Variants in CRYBB3 observed in about 807,000 individuals in gnomAD.
CRYBB3 encodes the protein crystallin beta B3, also known as beta-crystallin B3.
CRYBB3 carries 35 observed loss-of-function variants against 28.3 expected under a neutral mutation model. That is an observed-to-expected ratio of 1.24 (90% CI 0.95 to 1.64). The LOEUF is 1.64. Among genes scored for constraint, CRYBB3 ranks in the 40% most tolerant of loss-of-function variants. CRYBB3 has a pLI of 0.00. For missense variants in CRYBB3, 296 were observed against 297.4 expected, an observed-to-expected ratio of 1.00 and a Z score of 0.04; for synonymous variants, 106 against 110.4, an observed-to-expected ratio of 0.96 and a Z score of 0.25.
At chr22:25,206,665 C>G (rs1393070737) in intron 5 of CRYBB3, among the ~76,000 whole-genome samples, 1 of 152,040 alleles carries the variant, frequency 6.6e-6, no homozygotes, top group Admixed American at 6.5e-5. Flanking sequence ...GTGAGGTACT[C>G]GATTCAGCCT....
In CRYBB3 at chr22:25,205,317, A is replaced by T. The variant is rs758126252; in HGVS notation, c.425A>T (p.His142Leu). The T allele has an allele frequency of 3.1e-6, 5 of 1,614,116 alleles. No individual in the cohort carries two copies. The East Asian group carries it at 6.7e-5, about 22-fold the overall frequency. The change falls in exon 5 of 6, where the codon CAT (histidine) becomes CTT (leucine). Residue 142 changes from histidine (H) to leucine (L), a missense_variant. Physicochemically the swap from His to Leu is moderately conservative, Grantham distance 99. Coordinates refer to ENST00000215855, the MANE Select transcript of CRYBB3 (RefSeq NM_004076.5). Reference protein sequence around the residue: ...VDDDVPSLWAHGFQDRVASVR... With the variant: ...VDDDVPSLWALGFQDRVASVR... ...GATGACGTGCCCAGCCTGTGGGCTC[A>T]TGGCTTCCAGGACCGTGTGGCGAGT...
chr22:25,202,305 T>A (rs565593438), intron 2 of CRYBB3, among the ~76,000 whole-genome samples: 85 of 152,108 alleles, frequency 5.6e-4, no homozygotes, highest in African/African-American at 2.0e-3. Context: ...AGGGGGAAAT[T>A]TCCTATTAAG....
In CRYBB3 at chr22:25,202,769, C is replaced by T; in HGVS notation, c.171C>T (p.Gly57=). The T allele has an allele frequency of 6.2e-7, 1 of 1,614,058 alleles. No homozygotes were observed. Among genetic ancestry groups the T allele is most frequent in the African/African-American group, 1.3e-5 (1 of 75,052 alleles). Residue 57 remains glycine, a synonymous_variant, in exon 3 of 6, where the codon GGC becomes GGT. Coordinates refer to ENST00000215855, the MANE Select transcript of CRYBB3 (RefSeq NM_004076.5). ...CCGACAGCCTGCTGGAGAAGGTGGG[C>T]TCCATCCAAGTGGAGTCCGGGCCGT... ...SLTDSLLEKV[G]SIQVESGPWL... is the part of the protein sequence containing the mutation.
intron 1 of CRYBB3, 40 bp from the exon 2 acceptor site, chr22:25,201,337 C>A: frequency 6.2e-7 from 1 of 1,606,956 alleles, no homozygotes; most frequent in South Asian, 1.1e-5. Flanking sequence ...CCTGGCTTCT[C>A]CCGGGTGGAT....
In CRYBB3 at chr22:25,202,792, C is replaced by T. The variant is rs990563364; in HGVS notation, c.194C>T (p.Pro65Leu). ...GGCTCCATCCAAGTGGAGTCCGGGC[C>T]GTGAGTACCTAGACCCCCAGTCCCT... The part of the protein sequence containing the change: ...KVGSIQVESG[P>L]WLAFESRAFR... The change falls in exon 3 of 6, where the codon CCG becomes CTG. Residue 65 changes from proline to leucine, a missense_variant and splice_region_variant. By Grantham distance (98) the Pro-to-Leu change is moderately conservative. Transcript: ENST00000215855. 1.1e-5 allele frequency: 17 copies of T among 1,613,630 alleles called. No individual in the cohort carries two copies. The highest frequency in any genetic ancestry group is 5.3e-5 in the African/African-American group (4 of 74,926).
At chr22:25,203,598 G>A (rs985021501) in intron 3 of CRYBB3, among the ~76,000 whole-genome samples, 165 bp from the exon 4 acceptor site, 10 of 152,152 alleles carry the variant, frequency 6.6e-5, no homozygotes, top group African/African-American at 2.4e-4. Context: ...ACAGTTCCCG[G>A]TATGTCCTAG....
intron 3 of CRYBB3, among the ~76,000 whole-genome samples, chr22:25,203,524 C>G (rs530386098): frequency 6.6e-6 from 1 of 152,308 alleles, no homozygotes; most frequent in South Asian, 2.1e-4. Context: ...TTTCTGGGTA[C>G]CTTGCACAGA....
At position 25,207,039 on chromosome 22, in the gene CRYBB3, C is replaced by A; in HGVS notation, c.471-8C>A. On this transcript the variant is annotated splice_region_variant and splice_polypyrimidine_tract_variant and intron_variant, in intron 5 of 5. Transcript: ENST00000215855. ...ACCGTCCACATCTCAACCTTGGTCT[C>A]CCGGCAGGTGGGTTGGCTATGAGTT... 1.9e-6 allele frequency: 3 copies of A among 1,611,222 alleles called. No individual in the cohort carries two copies. Among genetic ancestry groups the A allele is most frequent in the Non-Finnish European group, 2.5e-6 (3 of 1,177,540 alleles).
At chr22:25,202,505 C>T (rs1171286679) in intron 2 of CRYBB3, among the ~76,000 whole-genome samples, 169 bp from the exon 3 acceptor site, 1 of 152,168 alleles carries the variant, frequency 6.6e-6, no homozygotes, top group Non-Finnish European at 1.5e-5. Context: ...TTCCTGAAGG[C>T]GTTTCCCTCC....
Position 25,203,831 on chromosome 22 carries a change from G to C in CRYBB3, c.263G>C (p.Arg88Pro), listed in dbSNP as rs138167578. 2 of 1,614,064 alleles carry C rather than the reference G, an allele frequency of 1.2e-6. No individual in the cohort carries two copies. The highest frequency in any genetic ancestry group is 2.7e-5 in the African/African-American group (2 of 74,918). Residue 88 changes from arginine to proline, a missense_variant, in exon 4 of 6, where the codon CGC becomes CCC. Coordinates refer to ENST00000215855, the MANE Select transcript of CRYBB3 (RefSeq NM_004076.5). ...QFVLEKGDYPRWDAWSNSRDS... is the reference protein window; with the variant it reads ...QFVLEKGDYPPWDAWSNSRDS... ...GTTCTGGAGAAGGGGGATTATCCTCGCTGGGATGCCTGGTCCAACAGCCGT... is the reference window on the plus strand; with the variant it reads ...GTTCTGGAGAAGGGGGATTATCCTCCCTGGGATGCCTGGTCCAACAGCCGT...
In CRYBB3 at chr22:25,207,043, G is replaced by A. The variant is rs145902799; in HGVS notation, c.471-4G>A. Reference sequence around the variant, plus strand: ...TCCACATCTCAACCTTGGTCTCCCGGCAGGTGGGTTGGCTATGAGTTCCCC... The same window carrying A: ...TCCACATCTCAACCTTGGTCTCCCGACAGGTGGGTTGGCTATGAGTTCCCC... On this transcript the variant is annotated splice_region_variant and splice_polypyrimidine_tract_variant and intron_variant, in intron 5 of 5. Coordinates refer to ENST00000215855, the MANE Select transcript of CRYBB3 (RefSeq NM_004076.5). 1 of 1,612,200 alleles carries A rather than the reference G, an allele frequency of 6.2e-7. No individual in the cohort carries two copies. The highest frequency in any genetic ancestry group is 8.5e-7 in the Non-Finnish European group (1 of 1,178,398).
At position 25,206,741 on chromosome 22, in the gene CRYBB3, G is replaced by A. The variant is rs2252878; in HGVS notation, c.471-306G>A. ...CAAGTGGAAAAAAGGGGGAAGGAGAGGGATGAGGTGAGCAAGAGTGTTCCA... is the reference window on the plus strand; with the variant it reads ...CAAGTGGAAAAAAGGGGGAAGGAGAAGGATGAGGTGAGCAAGAGTGTTCCA... On this transcript the variant is annotated intron_variant, in intron 5 of 5. Coordinates refer to ENST00000215855, the MANE Select transcript of CRYBB3 (RefSeq NM_004076.5). Among the ~76,000 whole-genome samples the A allele has an allele frequency of 0.58, 88,520 of 151,648 alleles. 26,655 individuals carry two copies. Among genetic ancestry groups the A allele is most frequent in the African/African-American group, 0.72 (29,956 of 41,326 alleles).
chr22:25,205,132 A>T (rs187856189), intron 4 of CRYBB3, 88 bp from the exon 5 acceptor site: 413 of 1,572,622 alleles, frequency 2.6e-4, no homozygotes, highest in Non-Finnish European at 3.3e-4. Flanking sequence ...TTTTGTGGTG[A>T]CCTGTTGATT....
chr22:25,206,845 G>A (rs1368157719), intron 5 of CRYBB3, among the ~76,000 whole-genome samples: 2 of 152,166 alleles, frequency 1.3e-5, no homozygotes, highest in Admixed American at 1.3e-4. Context: ...CCACGGTGTT[G>A]AGTGTGAATG....
chr22:25,206,908 G>T (rs1046510162), intron 5 of CRYBB3, 139 bp from the exon 6 acceptor site: 2 of 760,586 alleles, frequency 2.6e-6, no homozygotes, highest in African/African-American at 1.7e-5. Context: ...TGTGAGCAGG[G>T]TAAAGAGTTT....
At chr22:25,205,673 A>G (rs1375759125) in intron 5 of CRYBB3, among the ~76,000 whole-genome samples, 1 of 152,036 alleles carries the variant, frequency 6.6e-6, no homozygotes, top group Middle Eastern at 3.4e-3. Flanking sequence ...GTTAGCCAGG[A>G]TGGTCTCAAT....
intron 5 of CRYBB3, 148 bp downstream of exon 5, chr22:25,205,510 A>T (rs1450469064): frequency 1.0e-6 from 1 of 1,002,512 alleles, no homozygotes; most frequent in Non-Finnish European, 1.3e-6. Context: ...CCCAGGCTGG[A>T]GTGCAGTGGC....
chr22:25,205,658 A>G (rs1045501242), intron 5 of CRYBB3, among the ~76,000 whole-genome samples: 1 of 151,908 alleles, frequency 6.6e-6, no homozygotes, highest in Non-Finnish European at 1.5e-5. Context: ...ACGGGGTTTC[A>G]CCGTGTTAGC....
intron 5 of CRYBB3, among the ~76,000 whole-genome samples, chr22:25,206,491 C>A (rs1369825093): frequency 6.6e-5 from 10 of 152,034 alleles, no homozygotes; most frequent in Admixed American, 6.6e-4. Flanking sequence ...TGTAGTGAGC[C>A]GAGATCACGC....
Sources: gnomAD v4.1 joint callset for allele counts (sites outside exome capture counted in the v4.1 genomes callset) on GRCh38, gnomAD v4.1.1 for gene constraint, MANE v1.5 for transcripts, NCBI Gene and HGNC (gene_info 2026-07-23, HGNC 2026-07-21) for gene names.